Variants in CSMD1 observed in about 807,000 individuals in gnomAD.
CSMD1 encodes the protein CUB and sushi domain-containing protein 1.
CSMD1 carries 213 observed loss-of-function variants against 417.5 expected under a neutral mutation model. The observed-to-expected ratio is 0.51, with a 90% confidence interval of 0.46 to 0.57. The LOEUF (loss-of-function observed/expected upper bound fraction) is 0.57, where lower values mean the gene tolerates loss of function less well. CSMD1 is among the 20% of genes least tolerant of loss of function. The probability of loss-of-function intolerance (pLI) is 0.00; values close to 1 mark genes in which losing one functional copy is unlikely to be tolerated. For missense variants in CSMD1, 6,923 were observed against 4,529.7 expected, an observed-to-expected ratio of 1.53 and a Z score of -15.17; for synonymous variants, 2,862 against 1,736.8, an observed-to-expected ratio of 1.65 and a Z score of -16.11.
chr8:3,839,820 G>A (rs1266984637), intron 5 of CSMD1, among the ~76,000 whole-genome samples: 1 of 151,738 alleles, frequency 6.6e-6, no homozygotes. Flanking sequence ...AGACCAAAGT[G>A]CACAGCTAAA....
At chr8:4,791,378 C>T (rs1175819994) in intron 1 of CSMD1, among the ~76,000 whole-genome samples, 2 of 152,078 alleles carry the variant, frequency 1.3e-5, no homozygotes, top group Non-Finnish European at 2.9e-5. Context: ...ATTTTCTTTC[C>T]AATTCAGCCC....
In CSMD1 at chr8:4,762,835, G is replaced by C. The variant is rs1005616182; in HGVS notation, c.86-125277C>G. ...ACACCATTTACTAACGCGAAGAAAA[G>C]ATCTTTCTTTGGTATGTATTGGAGT... is the stretch of plus-strand genomic sequence containing the variant. On this transcript the variant is annotated intron_variant, in intron 1 of 69. Transcript: ENST00000635120. Among the ~76,000 whole-genome samples the C allele has an allele frequency of 4.6e-5, 7 of 152,288 alleles. No homozygotes were observed. In the East Asian group the frequency reaches 1.2e-3, roughly 25 times the overall value.
intron 2 of CSMD1, among the ~76,000 whole-genome samples, chr8:4,423,830 G>A (rs1259063443): frequency 1.3e-5 from 2 of 152,016 alleles, no homozygotes; most frequent in African/African-American, 4.8e-5. Context: ...TATCTACAAC[G>A]GTTAAGACTA....
rs371736115 is a variant in CSMD1, at chr8:3,205,520, C to G, written c.4968G>C (p.Thr1656=). Reference sequence around the variant, plus strand: ...CATCCTTACCGAATTCCTTTGGTACCGTGATGGAATAGAGGCATATTTGAC... The same window carrying G: ...CATCCTTACCGAATTCCTTTGGTACGGTGATGGAATAGAGGCATATTTGAC... ...TAGQICLYSI[T]VPKEFVVFGQ... The change falls in exon 31 of 70, where the codon ACG becomes ACC. Residue 1656 remains threonine (T), a synonymous_variant. Coordinates refer to ENST00000635120, the MANE Select transcript of CSMD1 (RefSeq NM_033225.6). 1 of 1,556,836 alleles carries G rather than the reference C, an allele frequency of 6.4e-7. No individual in the cohort carries two copies. The highest frequency in any genetic ancestry group is 2.3e-5 in the East Asian group (1 of 43,944).
chr8:3,776,879 A>G (rs1007993264), intron 5 of CSMD1, among the ~76,000 whole-genome samples: 1 of 150,934 alleles, frequency 6.6e-6, no homozygotes, highest in Non-Finnish European at 1.5e-5. Context: ...GCTGATAGAT[A>G]TAACTTTGTA....
intron 41 of CSMD1, among the ~76,000 whole-genome samples, chr8:3,124,039 G>T (rs1817358735): frequency 1.3e-5 from 2 of 152,140 alleles, no homozygotes; most frequent in East Asian, 3.8e-4. Context: ...TGTAATTAAA[G>T]ATTCTAAGCC....
chr8:4,796,650 T>G (rs547137699), intron 1 of CSMD1, among the ~76,000 whole-genome samples: 17 of 152,248 alleles, frequency 1.1e-4, no homozygotes, highest in Admixed American at 1.1e-3. Flanking sequence ...GGAAAAACAC[T>G]GGGAAACAAA....
chr8:4,588,661 T>C (rs1799827727), intron 2 of CSMD1, among the ~76,000 whole-genome samples: 1 of 151,938 alleles, frequency 6.6e-6, no homozygotes, highest in Admixed American at 6.6e-5. Flanking sequence ...GGCGGGCGCC[T>C]TTAGTCCCAG....
chr8:4,948,863 T>A (rs1247856006), intron 1 of CSMD1, among the ~76,000 whole-genome samples: 2 of 152,158 alleles, frequency 1.3e-5, no homozygotes, highest in Non-Finnish European at 2.9e-5. Flanking sequence ...GTGTGAATCT[T>A]TTCATTCCGA....
intron 3 of CSMD1, among the ~76,000 whole-genome samples, chr8:4,370,571 C>A (rs1159142145): frequency 6.6e-6 from 1 of 152,172 alleles, no homozygotes; most frequent in East Asian, 1.9e-4. Flanking sequence ...GCTGGAATAA[C>A]AATGAGTTGT....
chr8:3,985,301 A>G (rs1814235026), intron 5 of CSMD1, among the ~76,000 whole-genome samples: 1 of 152,196 alleles, frequency 6.6e-6, no homozygotes. Context: ...CAGATAATAA[A>G]TTATTTTTAA....
chr8:3,424,892 G>A (rs936644277), intron 12 of CSMD1, among the ~76,000 whole-genome samples: 32 of 152,152 alleles, frequency 2.1e-4, no homozygotes, highest in African/African-American at 7.7e-4. Context: ...CAGGCTGGGA[G>A]CCATCATGGC....
At chr8:4,152,127 A>G (rs1796600163) in intron 3 of CSMD1, among the ~76,000 whole-genome samples, 2 of 152,300 alleles carry the variant, frequency 1.3e-5, no homozygotes. Flanking sequence ...TTGTATAGAA[A>G]AATATCAACG....
rs78832163 is a variant in CSMD1, at chr8:4,527,962, G to A, written c.303-107897C>T. ...TGACTGGCCCAGGGCACTCTGGATTGTATTCAGTCTCTATAGAATCCATGG... is the reference window on the plus strand; with the variant it reads ...TGACTGGCCCAGGGCACTCTGGATTATATTCAGTCTCTATAGAATCCATGG... On this transcript the variant is annotated intron_variant, in intron 2 of 69. Coordinates refer to ENST00000635120, the MANE Select transcript of CSMD1 (RefSeq NM_033225.6). Among the ~76,000 whole-genome samples the A allele has an allele frequency of 2.2e-4, 33 of 152,268 alleles. 1 individual carries two copies. In the East Asian group the frequency reaches 6.2e-3, roughly 29 times the overall value.
chr8:4,201,037 G>C (rs1799615618), intron 3 of CSMD1, among the ~76,000 whole-genome samples: 1 of 152,116 alleles, frequency 6.6e-6, no homozygotes, highest in African/African-American at 2.4e-5. Context: ...ATACTACAGA[G>C]ACGAATTCAA....
chr8:2,999,828 T>C (rs533949337), intron 53 of CSMD1, 130 bp downstream of exon 53: 7 of 743,522 alleles, frequency 9.4e-6, no homozygotes, highest in Middle Eastern at 4.5e-4. Flanking sequence ...TTTCTTTGTA[T>C]AGGCAAAACT....
intron 1 of CSMD1, among the ~76,000 whole-genome samples, chr8:4,920,901 GAAAAGAAAAGAAA>G (rs1806411189): frequency 6.5e-5 from 2 of 30,720 alleles, no homozygotes; most frequent in Non-Finnish European, 1.5e-4. Flanking sequence ...GAAAAGAAAA[GAAAAGAAAAGAAA>G]AGAAAAGAAA....
At chr8:4,753,522 G>T (rs1271493620) in intron 1 of CSMD1, among the ~76,000 whole-genome samples, 1 of 151,194 alleles carries the variant, frequency 6.6e-6, no homozygotes, top group Non-Finnish European at 1.5e-5. Context: ...GCCCACACTC[G>T]TTGCTCGGTA....
At chr8:4,782,852 T>G (rs1015625064) in intron 1 of CSMD1, among the ~76,000 whole-genome samples, 4 of 152,146 alleles carry the variant, frequency 2.6e-5, no homozygotes, top group African/African-American at 9.7e-5. Flanking sequence ...CAAGCTATTT[T>G]TTTCAATAAA....
Sources: allele counts gnomAD v4.1 joint callset (sites outside exome capture counted in the v4.1 genomes callset), GRCh38; gene constraint gnomAD v4.1.1; transcripts MANE v1.5; gene names NCBI Gene and HGNC (gene_info 2026-07-23, HGNC 2026-07-21).